The following SYK variants were observed in gnomAD, a reference collection of about 807,000 sequenced individuals.
SYK encodes the protein tyrosine-protein kinase SYK.
In SYK, 16 loss-of-function variants were observed where a neutral mutation model predicts 77.8. The observed-to-expected ratio is 0.21, with a 90% confidence interval of 0.14 to 0.31. SYK has a LOEUF of 0.31. SYK is among the 10% of genes least tolerant of loss of function. The probability of loss-of-function intolerance (pLI) is 1.00; values close to 1 mark genes in which losing one functional copy is unlikely to be tolerated. For missense variants in SYK, 529 were observed against 814.4 expected, an observed-to-expected ratio of 0.65 and a Z score of 4.26; for synonymous variants, 312 against 308.7, an observed-to-expected ratio of 1.01 and a Z score of -0.11.
intron 3 of SYK, among the ~76,000 whole-genome samples, chr9:90,853,394 T>A (rs1342437534): frequency 2.6e-5 from 4 of 151,586 alleles, no homozygotes; most frequent in African/African-American, 9.7e-5. Context: ...GGACTATAAA[T>A]CATGCTGCTA....
intron 7 of SYK, among the ~76,000 whole-genome samples, chr9:90,872,025 T>G (rs941847646): frequency 1.3e-5 from 2 of 152,226 alleles, no homozygotes; most frequent in African/African-American, 4.8e-5. Flanking sequence ...GCCCAGGGGT[T>G]TAGATTCTCT....
intron 1 of SYK, among the ~76,000 whole-genome samples, chr9:90,841,667 G>T (rs1053633535): frequency 8.6e-5 from 13 of 151,334 alleles, no homozygotes; most frequent in Non-Finnish European, 1.9e-4. Context: ...GGTGTGTGGT[G>T]TGTATGTAGT....
chr9:90,835,313 T>G (rs1826031596), intron 1 of SYK, among the ~76,000 whole-genome samples: 2 of 152,190 alleles, frequency 1.3e-5, no homozygotes, highest in South Asian at 4.1e-4. Context: ...AGCGGAGATG[T>G]TGGATGGATG....
rs368137525 is a variant in SYK at position 90,804,780 on chromosome 9, T to C, written c.-42+2887T>C. 3.9e-5 allele frequency among the ~76,000 whole-genome samples: 6 copies of C among 152,334 alleles called. No homozygotes were observed. The East Asian group carries it at 1.2e-3, about 29-fold the overall frequency. ...CTCTTCTACTTAGATTTGAACAGGTTGGATTTGAATACTAGGAAAAAAGGG... is the reference window on the plus strand; with the variant it reads ...CTCTTCTACTTAGATTTGAACAGGTCGGATTTGAATACTAGGAAAAAAGGG... On this transcript the variant is annotated intron_variant, in intron 1 of 13. Coordinates refer to ENST00000375754, the MANE Select transcript of SYK (RefSeq NM_003177.7).
intron 11 of SYK, among the ~76,000 whole-genome samples, chr9:90,883,860 G>A (rs1008034906): frequency 1.7e-4 from 26 of 151,952 alleles, no homozygotes; most frequent in African/African-American, 5.8e-4. Context: ...AAAGCCCAAG[G>A]GTCAGCCTTC....
chr9:90,890,309 T>C (rs1402633336), intron 13 of SYK, among the ~76,000 whole-genome samples: 1 of 152,196 alleles, frequency 6.6e-6, no homozygotes, highest in Non-Finnish European at 1.5e-5. Context: ...TGGGCCGACC[T>C]CTGTCCTCCA....
chr9:90,882,681 G>A (rs918602844), intron 11 of SYK, among the ~76,000 whole-genome samples: 2 of 152,210 alleles, frequency 1.3e-5, no homozygotes, highest in African/African-American at 4.8e-5. Context: ...AATGCAACTA[G>A]TATATGCTCC....
chr9:90,855,961 G>A (rs1176567610), intron 3 of SYK, among the ~76,000 whole-genome samples: 2 of 152,294 alleles, frequency 1.3e-5, no homozygotes, highest in Non-Finnish European at 2.9e-5. Context: ...ATAGTTCATT[G>A]GAGGGTCTGT....
chr9:90,862,117 C>T, intron 3 of SYK, 89 bp from the exon 4 acceptor site: 2 of 1,429,638 alleles, frequency 1.4e-6, no homozygotes, highest in Non-Finnish European at 1.9e-6. Flanking sequence ...AGAGCGGCTG[C>T]TGACCATTCA....
intron 7 of SYK, among the ~76,000 whole-genome samples, 158 bp downstream of exon 7, chr9:90,867,357 G>A (rs1022688137): frequency 3.9e-5 from 6 of 152,152 alleles, no homozygotes; most frequent in African/African-American, 1.4e-4. Context: ...CTGTTCCTGG[G>A]CAGCCGCGCC....
chr9:90,820,434 A>G (rs2118403777), intron 1 of SYK, among the ~76,000 whole-genome samples: 1 of 152,360 alleles, frequency 6.6e-6, no homozygotes. Flanking sequence ...AAGTCTAGGC[A>G]GAGGTTCCCA....
chr9:90,806,101 G>A (rs570253074), intron 1 of SYK, among the ~76,000 whole-genome samples: 7 of 152,134 alleles, frequency 4.6e-5, no homozygotes, highest in African/African-American at 1.2e-4. Flanking sequence ...TTTCTATCTC[G>A]TACCCCTTTT....
intron 7 of SYK, among the ~76,000 whole-genome samples, chr9:90,868,370 T>C (rs1439928279): frequency 1.3e-5 from 2 of 152,080 alleles, no homozygotes; most frequent in African/African-American, 4.8e-5. Flanking sequence ...GAAGAAAATA[T>C]CAGTGACCAC....
chr9:90,858,830 C>A (rs1166767975), intron 3 of SYK, among the ~76,000 whole-genome samples: 2 of 152,216 alleles, frequency 1.3e-5, no homozygotes, highest in African/African-American at 4.8e-5. Context: ...CCACAGGGGG[C>A]TGCCCAGGCC....
chr9:90,829,370 G>A (rs1277229625), intron 1 of SYK, among the ~76,000 whole-genome samples: 1 of 152,148 alleles, frequency 6.6e-6, no homozygotes, highest in Non-Finnish European at 1.5e-5. Context: ...GTCTGAGGTG[G>A]GCCCAGAACC....
At chr9:90,826,645 GC>G (rs1011815211) in intron 1 of SYK, among the ~76,000 whole-genome samples, 5 of 152,146 alleles carry the variant, frequency 3.3e-5, no homozygotes, top group African/African-American at 1.2e-4. Context: ...TTTTTATCTT[GC>G]GTTTCCAGGG....
rs142908896 is a variant in SYK, at chr9:90,864,486, G to A, written c.718-103G>A. ...GCACATAAAAGCATTTATGTGTCTT[G>A]GGGCCACTTCGAAAGCCCAACAGTC... On this transcript the variant is annotated intron_variant, in intron 4 of 13. Coordinates refer to ENST00000375754, the MANE Select transcript of SYK (RefSeq NM_003177.7). 3.2e-3 allele frequency: 3,102 copies of A among 981,272 alleles called. 80 individuals are homozygous for A. In the Admixed American group the frequency reaches 0.044, roughly 14 times the overall value. The allele number at this position is 981,272 out of a possible 1,614,324, so 60.8% of individuals were successfully genotyped here.
intron 5 of SYK, 80 bp downstream of exon 5, chr9:90,864,747 G>T: frequency 7.6e-7 from 1 of 1,314,398 alleles, no homozygotes; most frequent in African/African-American, 1.5e-5. Context: ...GCTGATTGCA[G>T]ATTTGGGTTG....
Position 90,864,607 on chromosome 9 carries a change from T to C in SYK, c.736T>C (p.Tyr246His), listed in dbSNP as rs762132998. The stretch of plus-strand genomic sequence containing the variant: ...CTTTCAGCTAGTCGAGCATTATTCT[T>C]ATAAAGCAGATGGTTTGTTAAGAGT... ...TLWQLVEHYSYKADGLLRVLT... is the reference protein window; with the variant it reads ...TLWQLVEHYSHKADGLLRVLT... The change falls in exon 5 of 14, where the codon TAT becomes CAT. Residue 246 changes from tyrosine (Y) to histidine (H), a missense_variant. This residue lies in a region of SYK where 321 missense variants were observed against 433.1 expected (regional missense o/e 0.74). Transcript: ENST00000375754. The C allele has an allele frequency of 1.9e-6, 3 of 1,614,176 alleles. No homozygotes were observed. The South Asian group carries it at 3.3e-5, about 18-fold the overall frequency.
Sources: gnomAD v4.1 joint callset for allele counts (sites outside exome capture counted in the v4.1 genomes callset) on GRCh38, gnomAD v4.1.1 for gene constraint, gnomAD v4.1.1 regional missense constraint, MANE v1.5 for transcripts, NCBI Gene and HGNC (gene_info 2026-07-23, HGNC 2026-07-21) for gene names.